Variants in LIFR observed in about 807,000 individuals in gnomAD.
LIFR encodes the protein LIF receptor subunit alpha.
Under a neutral mutation model 122.2 loss-of-function variants are expected in LIFR, and 84 were observed. That is an observed-to-expected ratio of 0.69 (90% CI 0.58 to 0.82). The LOEUF is 0.82. Ranked by LOEUF, LIFR falls within the 40% of genes least tolerant of loss-of-function variation. The pLI, the probability that LIFR is intolerant of heterozygous loss-of-function variation, is 0.00. For synonymous variants in LIFR, 422 were observed against 434.7 expected (o/e 0.97, Z 0.36); for missense variants, 1,294 against 1,311.6 (o/e 0.99, Z 0.21).
At chr5:38,587,171 A>G (rs1749776868) in intron 1 of LIFR, among the ~76,000 whole-genome samples, 1 of 150,074 alleles carries the variant, frequency 6.7e-6, no homozygotes, top group African/African-American at 2.4e-5. Context: ...ACCCCTCCCC[A>G]CCCCAGCCCT....
In LIFR at chr5:38,482,209, C is replaced by T; in HGVS notation, c.2680G>A (p.Ala894Thr). 6.2e-7 allele frequency: 1 copy of T among 1,604,280 alleles called. No individual in the cohort carries two copies. The highest frequency in any genetic ancestry group is 8.5e-7 in the Non-Finnish European group (1 of 1,177,538). ...GGATTCATTTCCAATGTTTTAAGAG[C>T]ACTGCTTCCCTAGAAATAAATTTAA... ...FQKSVCEGSS[A>T]LKTLEMNPCT... Residue 894 changes from alanine to threonine, a missense_variant, in exon 20 of 20, where the codon GCT (alanine) becomes ACT (threonine). Physicochemically the swap from Ala to Thr is moderately conservative, Grantham distance 58 (BLOSUM62 0). Coordinates refer to ENST00000453190, the MANE Select transcript of LIFR (RefSeq NM_001127671.2).
At chr5:38,571,556 T>C (rs1403405454) in intron 1 of LIFR, among the ~76,000 whole-genome samples, 3 of 134,144 alleles carry the variant, frequency 2.2e-5, no homozygotes, top group Non-Finnish European at 4.7e-5. Context: ...AAAAAAGCAC[T>C]AGCCTCCTTC....
rs888245578 is a variant in LIFR, at chr5:38,480,253, C to G, written c.*1342G>C. Reference sequence around the variant, plus strand: ...GAGGGCAGGGAAAATACAAGATACACTTTTTAGTTTTTCCTTCTGCTTTTC... The same window carrying G: ...GAGGGCAGGGAAAATACAAGATACAGTTTTTAGTTTTTCCTTCTGCTTTTC... On this transcript the variant is annotated 3_prime_UTR_variant, in exon 20 of 20. Transcript: ENST00000453190. 8.8e-6 allele frequency: 2 copies of G among 227,214 alleles called. No individual in the cohort carries two copies. The highest frequency in any genetic ancestry group is 1.7e-5 in the Non-Finnish European group (2 of 114,320). The allele number at this position is 227,214 out of a possible 1,614,324, so 14.1% of individuals were successfully genotyped here.
intron 7 of LIFR, among the ~76,000 whole-genome samples, 184 bp from the exon 8 acceptor site, chr5:38,506,816 A>C (rs1745513089): frequency 6.6e-6 from 1 of 152,210 alleles, no homozygotes; most frequent in South Asian, 2.1e-4. Flanking sequence ...TTCATATTAC[A>C]TTAGAATTGA....
At chr5:38,572,290 G>A (rs1749239773) in intron 1 of LIFR, among the ~76,000 whole-genome samples, 1 of 152,134 alleles carries the variant, frequency 6.6e-6, no homozygotes, top group African/African-American at 2.4e-5. Context: ...CATGGCAGGA[G>A]CAGGAACAAG....
intron 4 of LIFR, among the ~76,000 whole-genome samples, chr5:38,524,208 G>T (rs1476774136): frequency 6.6e-6 from 1 of 152,168 alleles, no homozygotes; most frequent in Non-Finnish European, 1.5e-5. Context: ...CGTGCTGGGG[G>T]ATGTCACCCA....
In LIFR at chr5:38,500,689, A is replaced by C. The variant is rs542635637; in HGVS notation, c.1601-1106T>G. The stretch of plus-strand genomic sequence containing the variant: ...TTGAGTAAATTGATGCCTTCATCTT[A>C]ATGAGGTGCAAATAAGATGTTTCCT... On this transcript the variant is annotated intron_variant, in intron 11 of 19. Coordinates refer to ENST00000453190, the MANE Select transcript of LIFR (RefSeq NM_001127671.2). Among the ~76,000 whole-genome samples the C allele has an allele frequency of 7.2e-5, 11 of 152,286 alleles. No homozygotes were observed. The South Asian group carries it at 2.3e-3, about 32-fold the overall frequency.
chr5:38,507,551 G>A (rs773669072), intron 7 of LIFR, among the ~76,000 whole-genome samples: 8 of 107,424 alleles, frequency 7.4e-5, no homozygotes, highest in African/African-American at 1.1e-4. Flanking sequence ...GCGACAGAGC[G>A]ATACTCCGTC....
At chr5:38,594,807 GA>G (rs1166808444) in intron 1 of LIFR, 6 of 185,418 alleles carry the variant, frequency 3.2e-5, no homozygotes, top group Non-Finnish European at 4.6e-5. Flanking sequence ...ATCTGACATG[GA>G]AAAAAAGCGA....
chr5:38,513,558 T>C (rs949266781), intron 5 of LIFR, among the ~76,000 whole-genome samples: 18 of 152,214 alleles, frequency 1.2e-4, no homozygotes, highest in African/African-American at 4.3e-4. Context: ...ATGGGGACTA[T>C]CATTCCAAAA....
intron 1 of LIFR, among the ~76,000 whole-genome samples, chr5:38,594,261 C>T (rs1444975715): frequency 6.6e-6 from 1 of 152,062 alleles, no homozygotes; most frequent in Non-Finnish European, 1.5e-5. Flanking sequence ...CAGTGGTTGT[C>T]AGGGCCTGGA....
chr5:38,547,670 T>A (rs1292919040), intron 1 of LIFR, among the ~76,000 whole-genome samples: 1 of 152,182 alleles, frequency 6.6e-6, no homozygotes, highest in African/African-American at 2.4e-5. Context: ...TTACACACTG[T>A]CAAATGGAGA....
intron 2 of LIFR, among the ~76,000 whole-genome samples, chr5:38,604,279 G>GAGAAAGGGGCAAGGCAGC (rs1750280575): frequency 6.6e-6 from 1 of 152,162 alleles, no homozygotes; most frequent in Non-Finnish European, 1.5e-5. Flanking sequence ...CTGTGGAGAG[G>GAGAAAGGGGCAAGGCAGC]AGAAAGGGGC....
At chr5:38,555,320 T>C (rs1369455488) in intron 1 of LIFR, among the ~76,000 whole-genome samples, 1 of 152,160 alleles carries the variant, frequency 6.6e-6, no homozygotes, top group African/African-American at 2.4e-5. Context: ...GAAGGGCAAG[T>C]AGCATTCGCG....
intron 1 of LIFR, among the ~76,000 whole-genome samples, chr5:38,585,517 T>C (rs1408347982): frequency 6.6e-6 from 1 of 152,218 alleles, no homozygotes; most frequent in Non-Finnish European, 1.5e-5. Flanking sequence ...GATCTCCATG[T>C]GCTTCCCATT....
At chr5:38,588,682 G>A (rs760636588) in intron 1 of LIFR, among the ~76,000 whole-genome samples, 6 of 152,056 alleles carry the variant, frequency 3.9e-5, no homozygotes, top group Non-Finnish European at 8.8e-5. Flanking sequence ...TTTTCAAAAG[G>A]CCTTAAATCC....
intron 1 of LIFR, among the ~76,000 whole-genome samples, chr5:38,534,359 C>G (rs1361404821): frequency 2.6e-5 from 4 of 152,028 alleles, no homozygotes; most frequent in Non-Finnish European, 5.9e-5. Context: ...GAAAGAAATA[C>G]TTACGAAAAA....
At chr5:38,514,529 C>T (rs571273547) in intron 5 of LIFR, among the ~76,000 whole-genome samples, 2 of 152,176 alleles carry the variant, frequency 1.3e-5, no homozygotes, top group Admixed American at 6.5e-5. Context: ...AGTTCCAGTT[C>T]CTCTACAACT....
In LIFR at chr5:38,479,573, C is replaced by T. The variant is rs867000960; in HGVS notation, c.*2022G>A. On this transcript the variant is annotated 3_prime_UTR_variant, in exon 20 of 20. Coordinates refer to ENST00000453190, the MANE Select transcript of LIFR (RefSeq NM_001127671.2). ...TTTTCTCATTATCTCAGGTTAGCGC[C>T]GTTTAGAGCAATAAACTTTTACTGT... 1.3e-5 allele frequency: 3 copies of T among 230,916 alleles called. No homozygotes were observed. Among genetic ancestry groups the T allele is most frequent in the African/African-American group, 2.2e-5 (1 of 45,202 alleles). 14.3% of individuals were successfully genotyped at this position (230,916 alleles called of 1,614,324 possible).
Sources: allele counts gnomAD v4.1 joint callset (sites outside exome capture counted in the v4.1 genomes callset), GRCh38; gene constraint gnomAD v4.1.1; transcripts MANE v1.5; gene names NCBI Gene and HGNC (gene_info 2026-07-23, HGNC 2026-07-21).